Variants in XYLT2 observed in about 807,000 individuals in gnomAD.
XYLT2 encodes the protein xylosyltransferase 2, also known as UDP-D-xylose:proteoglycan core protein beta-D-xylosyltransferase.
Under a neutral mutation model 82.6 loss-of-function variants are expected in XYLT2, and 37 were observed. The observed-to-expected ratio is 0.45, with a 90% CI of 0.34 to 0.59. The LOEUF (loss-of-function observed/expected upper bound fraction) is 0.59, where lower values mean the gene tolerates loss of function less well. Among genes scored for constraint, XYLT2 ranks in the 20% least tolerant of loss-of-function variants. The pLI, the probability that XYLT2 is intolerant of heterozygous loss-of-function variation, is 0.01. For synonymous variants in XYLT2, 474 were observed against 499.0 expected, an observed-to-expected ratio of 0.95 and a Z score of 0.67; for missense variants, 934 against 1,181.3, an observed-to-expected ratio of 0.79 and a Z score of 3.07.
Position 50,358,441 on chromosome 17 carries a change from C to T in XYLT2, c.2176C>T (p.Pro726Ser), listed in dbSNP as rs1598353144. 5.6e-6 allele frequency: 9 copies of T among 1,614,178 alleles called. No homozygotes were observed. In the African/African-American group the frequency reaches 9.3e-5, roughly 17 times the overall value. Residue 726 changes from proline to serine, a missense_variant, in exon 10 of 11, where the codon CCC becomes TCC. By Grantham distance (74) the Pro-to-Ser change is moderately conservative. This residue lies in a region of XYLT2 where 374 missense variants were observed against 465.6 expected (regional missense o/e 0.80). Coordinates refer to ENST00000017003, the MANE Select transcript of XYLT2 (RefSeq NM_022167.4). Reference sequence around the variant, plus strand: ...ACTGAGCCGGCCCCTGCGGCCAGGGCCCTGGACTGTTCGACTCCTTCAGTT... The same window carrying T: ...ACTGAGCCGGCCCCTGCGGCCAGGGTCCTGGACTGTTCGACTCCTTCAGTT... Reference protein sequence around the residue: ...PPLSRPLRPGPWTVRLLQFWE... With the variant: ...PPLSRPLRPGSWTVRLLQFWE...
rs531201354 is a variant in XYLT2, at chr17:50,353,505, C to T, written c.136-125C>T. 87 of 1,424,982 alleles carry T rather than the reference C, an allele frequency of 6.1e-5. No homozygotes were observed. The African/African-American group carries it at 8.4e-4, about 14-fold the overall frequency. The allele number at this position is 1,424,982 out of a possible 1,614,324, so 88.3% of individuals were successfully genotyped here. A position where few individuals can be genotyped will look rare whatever the true frequency, so the allele number is the denominator to read the frequency against. On this transcript the variant is annotated intron_variant, in intron 1 of 10. Transcript: ENST00000017003. The stretch of plus-strand genomic sequence containing the variant: ...TTGTGCGGAGTCCTTAGGTGAAAAG[C>T]GCTTCTCTGGGTAAAAGGTGGGCAG...
chr17:50,353,829 C>A lies in XYLT2; in HGVS notation c.335C>A (p.Ala112Asp). ...RQRASRRVPPAPPPEAPGRQN... is the reference protein window; with the variant it reads ...RQRASRRVPPDPPPEAPGRQN... ...AGAGCCAGCCGGCGGGTCCCACCTG[C>A]CCCACCCCCGGAAGCCCCAGGCCGC... The change falls in exon 2 of 11, where the codon GCC becomes GAC. Residue 112 changes from alanine (A) to aspartate (D), a missense_variant. Around this residue, in one of 3 missense-constraint regions of XYLT2, gnomAD observed 371 missense variants for 394.9 expected, o/e 0.94. Coordinates refer to ENST00000017003, the MANE Select transcript of XYLT2 (RefSeq NM_022167.4). 1 of 1,589,410 alleles carries A rather than the reference C, an allele frequency of 6.3e-7. No individual in the cohort carries two copies. The highest frequency in any genetic ancestry group is 1.8e-5 in the Admixed American group (1 of 56,044).
chr17:50,354,423 G>A lies in XYLT2; in HGVS notation c.644G>A (p.Gly215Asp), dbSNP rs1290843034. 1 of 1,608,170 alleles carries A rather than the reference G, an allele frequency of 6.2e-7. No homozygotes were observed. Among genetic ancestry groups the A allele is most frequent in the Non-Finnish European group, 8.5e-7 (1 of 1,177,606 alleles). The change falls in exon 3 of 11, where the codon GGC (glycine) becomes GAC (aspartate). Residue 215 changes from glycine to aspartate, a missense_variant. By Grantham distance (94) the Gly-to-Asp change is moderately conservative (BLOSUM62 -1). Transcript: ENST00000017003. ...HCQLTGKMSPGIQWDESQAQQ... is the reference protein window; with the variant it reads ...HCQLTGKMSPDIQWDESQAQQ... ...CTGCTCTCAGGGAAGATGAGCCCCG[G>A]CATCCAGTGGGATGAGAGCCAAGCC...
intron 7 of XYLT2, 97 bp from the exon 8 acceptor site, chr17:50,356,414 G>A (rs914043507): frequency 1.9e-5 from 29 of 1,553,562 alleles, no homozygotes; most frequent in Non-Finnish European, 2.3e-5. Context: ...AGGAAAAGCC[G>A]CAGGAGGCTG....
chr17:50,358,619 C>A, intron 10 of XYLT2, 79 bp downstream of exon 10: 2 of 1,409,888 alleles, frequency 1.4e-6, no homozygotes, highest in Non-Finnish European at 1.9e-6. Context: ...AAGAAGCCAA[C>A]CATCAGAGCT....
At chr17:50,355,450 T>A in intron 4 of XYLT2, 51 bp from the exon 5 acceptor site, 1 of 1,590,158 alleles carries the variant, frequency 6.3e-7, no homozygotes, top group Non-Finnish European at 8.6e-7. Context: ...TCTGGGCCAG[T>A]GACTGAGCAA....
intron 1 of XYLT2, among the ~76,000 whole-genome samples, chr17:50,353,343 C>CT (rs1483928620): frequency 1.3e-5 from 2 of 152,150 alleles, no homozygotes; most frequent in Admixed American, 6.5e-5. Flanking sequence ...GAAGTGGTAT[C>CT]TGAGTCCAGA....
Position 50,346,347 on chromosome 17 carries a change from G to A in XYLT2, c.135+72G>A, listed in dbSNP as rs901021631. 2.0e-6 allele frequency: 2 copies of A among 995,636 alleles called. No individual in the cohort carries two copies. The highest frequency in any genetic ancestry group is 4.5e-5 in the South Asian group (1 of 22,260). The allele number at this position is 995,636 out of a possible 1,614,324, so 61.7% of individuals were successfully genotyped here. On this transcript the variant is annotated intron_variant, in intron 1 of 10. Transcript: ENST00000017003. The surrounding 1 kb of genome is among the most constrained non-coding windows in gnomAD (Gnocchi z 5.1). ...CGGGGTCCTGGCGGGGCTGCGGGCG[G>A]CCCCAGCCGGGGAAGTGGGGCACGG...
At position 50,360,321 on chromosome 17, in the gene XYLT2, C is replaced by A; in HGVS notation, c.*30C>A. 6.5e-7 allele frequency: 1 copy of A among 1,538,364 alleles called. No homozygotes were observed. Among genetic ancestry groups the A allele is most frequent in the Non-Finnish European group, 8.8e-7 (1 of 1,141,538 alleles). On this transcript the variant is annotated 3_prime_UTR_variant, in exon 11 of 11. Coordinates refer to ENST00000017003, the MANE Select transcript of XYLT2 (RefSeq NM_022167.4). The stretch of plus-strand genomic sequence containing the variant: ...GCCCCAGCCAGTACCCGTGGAGGAC[C>A]CGGGAAATTGCACCTTACAGACAGT...
chr17:50,353,401 C>T lies in XYLT2; in HGVS notation c.136-229C>T, dbSNP rs112501305. Among the ~76,000 whole-genome samples the T allele has an allele frequency of 4.1e-3, 626 of 152,212 alleles. 7 individuals are homozygous for T. The highest frequency in any genetic ancestry group is 0.014 in the African/African-American group (592 of 41,520). On this transcript the variant is annotated intron_variant, in intron 1 of 10. Coordinates refer to ENST00000017003, the MANE Select transcript of XYLT2 (RefSeq NM_022167.4). ...ATGTAATCTGAGAGCCAGTGGGGGACGGGGGTGTTGGTATGATGGAGGGAG... is the reference window on the plus strand; with the variant it reads ...ATGTAATCTGAGAGCCAGTGGGGGATGGGGGTGTTGGTATGATGGAGGGAG...
In XYLT2 at chr17:50,352,451, G is replaced by A. The variant is rs542389160; in HGVS notation, c.136-1179G>A. On this transcript the variant is annotated intron_variant, in intron 1 of 10. Transcript: ENST00000017003. ...TCTCTCATCAAGGAGTTCACTACTA[G>A]AGGAACATCCAGGGCCTTGGAGCCC... Among the ~76,000 whole-genome samples the A allele has an allele frequency of 1.6e-4, 24 of 152,376 alleles. 1 individual carries two copies. The highest frequency in any genetic ancestry group is 1.1e-3 in the Admixed American group (17 of 15,308).
At chr17:50,347,259 G>T (rs1423179181) in intron 1 of XYLT2, among the ~76,000 whole-genome samples, 1 of 152,030 alleles carries the variant, frequency 6.6e-6, no homozygotes, top group Non-Finnish European at 1.5e-5. Context: ...GCTGCCTCCA[G>T]GGCTCCGGGT....
chr17:50,356,444 G>A, intron 7 of XYLT2, 67 bp from the exon 8 acceptor site: 1 of 1,583,658 alleles, frequency 6.3e-7, no homozygotes, highest in Non-Finnish European at 8.6e-7. Context: ...CAGTGCTGAG[G>A]GGCCAGCCCC....
chr17:50,347,065 C>G (rs1242506765), intron 1 of XYLT2: 1 of 395,946 alleles, frequency 2.5e-6, no homozygotes. Flanking sequence ...GTCCCTGCCT[C>G]GAGGGTCTTT....
At chr17:50,354,247 T>G in intron 2 of XYLT2, 125 bp downstream of exon 2, 1 of 1,524,248 alleles carries the variant, frequency 6.6e-7, no homozygotes, top group Non-Finnish European at 8.8e-7. Flanking sequence ...GCCTAAGTCT[T>G]CATCCAGTGT....
rs756155083 is a variant in XYLT2, at chr17:50,355,570, G to A, written c.1077G>A (p.Arg359=). The change falls in exon 5 of 11, where the codon CGG becomes CGA. Residue 359 remains arginine (R), a synonymous_variant. Transcript: ENST00000017003. ...AGAATTTCCTCAAGTCACATGGCCG[G>A]GACAACTCCAGGTGAGGGGGTGGGG... The part of the protein sequence containing the change: ...RDKNFLKSHG[R]DNSRFIKKQG... The A allele has an allele frequency of 2.5e-6, 4 of 1,613,942 alleles. No individual in the cohort carries two copies. The African/African-American group carries it at 5.3e-5, about 22-fold the overall frequency.
chr17:50,356,905 G>A, intron 8 of XYLT2, 132 bp downstream of exon 8: 6 of 1,477,914 alleles, frequency 4.1e-6, no homozygotes, highest in East Asian at 2.3e-5. Flanking sequence ...ATACCGAAAA[G>A]ACGGCTAGAG....
rs118049882 is a variant in XYLT2, at chr17:50,355,076, A to T, written c.1007+20A>T. Reference sequence around the variant, plus strand: ...AACCAGGTGTGGGGATGGGGCTCTGAGTCCTCTGCATGGGAGGGGACCCCT... The same window carrying T: ...AACCAGGTGTGGGGATGGGGCTCTGTGTCCTCTGCATGGGAGGGGACCCCT... On this transcript the variant is annotated intron_variant, in intron 4 of 10. Transcript: ENST00000017003. The T allele has an allele frequency of 1.7e-4, 262 of 1,522,314 alleles. 3 individuals are homozygous for T. In the East Asian group the frequency reaches 5.7e-3, roughly 33 times the overall value. The allele number at this position is 1,522,314 out of a possible 1,614,324, so 94.3% of individuals were successfully genotyped here. A position where few individuals can be genotyped will look rare whatever the true frequency, so the allele number is the denominator to read the frequency against.
intron 7 of XYLT2, 31 bp from the exon 8 acceptor site, chr17:50,356,480 C>T (rs373934427): frequency 3.2e-5 from 52 of 1,608,300 alleles, no homozygotes; most frequent in Non-Finnish European, 4.3e-5. Flanking sequence ...GCTTCCAGAG[C>T]CCTTCACCCT....
Sources: gnomAD v4.1 joint callset for allele counts (sites outside exome capture counted in the v4.1 genomes callset) on GRCh38, gnomAD v4.1.1 for gene constraint, gnomAD v4.1.1 regional missense constraint, Gnocchi (gnomAD v3.1) non-coding constraint, MANE v1.5 for transcripts, NCBI Gene and HGNC (gene_info 2026-07-23, HGNC 2026-07-21) for gene names.